Variants in GABRB3 observed in about 807,000 individuals in gnomAD.
GABRB3 encodes the protein gamma-aminobutyric acid receptor subunit beta-3.
A neutral mutation model predicts 52.1 loss-of-function variants in GABRB3; 14 were observed. The observed-to-expected ratio is 0.27, with a 90% CI of 0.18 to 0.42. The LOEUF (loss-of-function observed/expected upper bound fraction) is 0.42. Among genes scored for constraint, GABRB3 ranks in the 10% least tolerant of loss-of-function variants. GABRB3 has a pLI of 1.00. For synonymous variants in GABRB3, 260 were observed against 232.3 expected, an observed-to-expected ratio of 1.12 and a Z score of -1.08; for missense variants, 307 against 609.1, an observed-to-expected ratio of 0.50 and a Z score of 5.22.
chr15:26,757,736 G>T (rs1175823942), intron 3 of GABRB3, among the ~76,000 whole-genome samples: 1 of 152,158 alleles, frequency 6.6e-6, no homozygotes, highest in African/African-American at 2.4e-5. Context: ...ATCAAAAATG[G>T]CAAAGTTCAC....
chr15:26,624,756 G>A (rs1892621465), intron 3 of GABRB3: 3 of 985,228 alleles, frequency 3.0e-6, no homozygotes, highest in Non-Finnish European at 3.6e-6. Context: ...TTTTTTCTGG[G>A]ATACTTACTA....
chr15:26,766,519 C>T (rs924346208), intron 3 of GABRB3, among the ~76,000 whole-genome samples: 1 of 152,202 alleles, frequency 6.6e-6, no homozygotes, highest in Admixed American at 6.5e-5. Flanking sequence ...CTACTCCATT[C>T]TTCATTTAAA....
chr15:26,597,427 T>C (rs17117152), intron 4 of GABRB3, among the ~76,000 whole-genome samples: 4,046 of 152,238 alleles, frequency 0.027, 201 homozygotes, highest in African/African-American at 0.091. Context: ...GTGCCTACTT[T>C]ACACCTGAGA....
intron 3 of GABRB3, among the ~76,000 whole-genome samples, chr15:26,640,463 G>T (rs2140571120): frequency 6.6e-6 from 1 of 152,196 alleles, no homozygotes; most frequent in South Asian, 2.1e-4. Flanking sequence ...CTTGCAGTGA[G>T]CCGAGATCAC....
At chr15:26,738,330 GCCTCCGC>G (rs1208735210) in intron 3 of GABRB3, among the ~76,000 whole-genome samples, 1 of 151,988 alleles carries the variant, frequency 6.6e-6, no homozygotes, top group East Asian at 1.9e-4. Context: ...TGATCCACCC[GCCTCCGC>G]CCCCCAAAAT....
In GABRB3 at chr15:26,615,320, T is replaced by G. The variant is rs116062806; in HGVS notation, c.461+5994A>C. ...AATTGTCAAGGATTTATGTTTTATT[T>G]TAGGATGGCATGCATACCCTGTCCA... is the stretch of plus-strand genomic sequence containing the variant. On this transcript the variant is annotated intron_variant, in intron 4 of 8. Transcript: ENST00000311550. 1,099 of 985,410 alleles carry G rather than the reference T, an allele frequency of 1.1e-3. 13 individuals are homozygous for G. In the African/African-American group the frequency reaches 0.018, roughly 17 times the overall value. The allele number at this position is 985,410 out of a possible 1,614,324, so 61.0% of individuals were successfully genotyped here.
intron 3 of GABRB3, among the ~76,000 whole-genome samples, chr15:26,637,362 A>G (rs954817596): frequency 2.0e-5 from 3 of 152,068 alleles, no homozygotes; most frequent in African/African-American, 7.2e-5. Context: ...CTTAATCCTA[A>G]TCATACTCTA....
intron 3 of GABRB3, among the ~76,000 whole-genome samples, chr15:26,700,384 T>C (rs1888888655): frequency 6.6e-6 from 1 of 151,864 alleles, no homozygotes; most frequent in Admixed American, 6.5e-5. Flanking sequence ...GGATAAATTC[T>C]ACCAAGCATA....
At chr15:26,580,005 GTCA>G (rs1890730721) in intron 6 of GABRB3, among the ~76,000 whole-genome samples, 1 of 152,172 alleles carries the variant, frequency 6.6e-6, no homozygotes, top group Non-Finnish European at 1.5e-5. Context: ...TGCCTCCAAG[GTCA>G]TCAATGACCT....
At chr15:26,725,832 G>T (rs1213116230) in intron 3 of GABRB3, among the ~76,000 whole-genome samples, 3 of 152,126 alleles carry the variant, frequency 2.0e-5, no homozygotes, top group African/African-American at 7.2e-5. Flanking sequence ...ATAATTTTGT[G>T]CATGAAACAA....
chr15:26,759,049 AGTTTCC>A (rs1398171991), intron 3 of GABRB3, among the ~76,000 whole-genome samples: 1 of 152,174 alleles, frequency 6.6e-6, no homozygotes, highest in Non-Finnish European at 1.5e-5. Context: ...CTGACTGGGT[AGTTTCC>A]TAAAACTTAA....
chr15:26,678,640 G>A (rs1888143383), intron 3 of GABRB3, among the ~76,000 whole-genome samples: 1 of 152,164 alleles, frequency 6.6e-6, no homozygotes, highest in African/African-American at 2.4e-5. Context: ...GCCAGAGCAA[G>A]AGAAACAGTA....
intron 3 of GABRB3, among the ~76,000 whole-genome samples, chr15:26,692,095 G>A (rs546613080): frequency 5.3e-5 from 8 of 152,236 alleles, no homozygotes; most frequent in African/African-American, 1.9e-4. Flanking sequence ...AAATAACCCA[G>A]AAGAACATAT....
At chr15:26,713,933 T>A (rs992159858) in intron 3 of GABRB3, among the ~76,000 whole-genome samples, 1 of 152,154 alleles carries the variant, frequency 6.6e-6, no homozygotes, top group Non-Finnish European at 1.5e-5. Context: ...AACGGCCACA[T>A]GTTGTGAGTG....
chr15:26,707,872 T>C (rs1442705893), intron 3 of GABRB3, among the ~76,000 whole-genome samples: 1 of 152,100 alleles, frequency 6.6e-6, no homozygotes, highest in Non-Finnish European at 1.5e-5. Flanking sequence ...GATACATAGG[T>C]GAGGATCTCT....
chr15:26,644,083 G>A (rs1893285809), intron 3 of GABRB3, among the ~76,000 whole-genome samples: 1 of 152,194 alleles, frequency 6.6e-6, no homozygotes, highest in Admixed American at 6.5e-5. Flanking sequence ...CCTACCAGCG[G>A]TTGCAGGGAT....
intron 3 of GABRB3, among the ~76,000 whole-genome samples, chr15:26,672,703 C>T (rs952472088): frequency 1.3e-5 from 2 of 152,094 alleles, no homozygotes; most frequent in African/African-American, 2.4e-5. Context: ...CTTTTCTTGG[C>T]GTAATTCTCC....
chr15:26,600,507 G>A (rs1302979693), intron 4 of GABRB3, among the ~76,000 whole-genome samples: 1 of 152,106 alleles, frequency 6.6e-6, no homozygotes, highest in Non-Finnish European at 1.5e-5. Flanking sequence ...TCGCATATAA[G>A]AGGTGCCAAT....
At chr15:26,750,167 G>A (rs970535927) in intron 3 of GABRB3, 1 of 152,220 alleles carries the variant, frequency 6.6e-6, no homozygotes, top group Non-Finnish European at 1.5e-5. Flanking sequence ...AATTAAAGGA[G>A]TTGGAATTCA....
Sources: allele counts gnomAD v4.1 joint callset (sites outside exome capture counted in the v4.1 genomes callset), GRCh38; gene constraint gnomAD v4.1.1; transcripts MANE v1.5; gene names NCBI Gene and HGNC (gene_info 2026-07-23, HGNC 2026-07-21).